The following RAD51B variants were observed in gnomAD, a reference collection of about 807,000 sequenced individuals.
RAD51B encodes RAD51 paralog B.
RAD51B carries 38 observed loss-of-function variants against 42.2 expected under a neutral mutation model. The observed-to-expected ratio is 0.90, with a 90% CI of 0.70 to 1.18. The LOEUF (loss-of-function observed/expected upper bound fraction) is 1.18. Ranked by LOEUF, RAD51B falls within the 50% of genes most tolerant of loss-of-function variation. RAD51B has a pLI of 0.00. For missense variants in RAD51B, 373 were observed against 400.7 expected (o/e 0.93, Z 0.59); for synonymous variants, 154 against 145.2 (o/e 1.06, Z -0.43).
intron 10 of RAD51B, among the ~76,000 whole-genome samples, chr14:68,546,476 TTGG>T (rs1888239916): frequency 6.6e-6 from 1 of 152,194 alleles, no homozygotes; most frequent in East Asian, 1.9e-4. Context: ...GAGATCAGTC[TTGG>T]ACATGTATGA....
At chr14:67,976,187 G>C (rs184438866) in intron 7 of RAD51B, among the ~76,000 whole-genome samples, 2 of 151,776 alleles carry the variant, frequency 1.3e-5, no homozygotes, top group Non-Finnish European at 2.9e-5. Context: ...CGTGATTATG[G>C]CTCACTGCAG....
chr14:68,350,939 A>G (rs1386522899), intron 8 of RAD51B, among the ~76,000 whole-genome samples: 2 of 152,208 alleles, frequency 1.3e-5, no homozygotes, highest in African/African-American at 2.4e-5. Context: ...CAATAGTGTG[A>G]CTATCCAACA....
At chr14:68,467,748 C>T (rs765127826) in intron 9 of RAD51B, among the ~76,000 whole-genome samples, 7 of 152,208 alleles carry the variant, frequency 4.6e-5, no homozygotes, top group Non-Finnish European at 8.8e-5. Flanking sequence ...CTTTGCCTTT[C>T]GCAAGTTATT....
intron 7 of RAD51B, among the ~76,000 whole-genome samples, chr14:67,966,154 C>T (rs1056239363): frequency 6.6e-6 from 1 of 152,166 alleles, no homozygotes; most frequent in Admixed American, 6.5e-5. Flanking sequence ...CCCTTATCTA[C>T]CTACTACTCC....
chr14:68,331,189 C>T (rs1243841966), intron 8 of RAD51B, among the ~76,000 whole-genome samples: 2 of 151,382 alleles, frequency 1.3e-5, no homozygotes, highest in Non-Finnish European at 2.9e-5. Context: ...GGGTGAAACC[C>T]CGTCTCTACT....
intron 7 of RAD51B, among the ~76,000 whole-genome samples, chr14:68,132,597 G>T (rs1364265634): frequency 6.6e-6 from 1 of 152,196 alleles, no homozygotes; most frequent in Non-Finnish European, 1.5e-5. Flanking sequence ...TATTAGGAAT[G>T]TCTCATGTGA....
chr14:68,009,000 C>G (rs1042800817), intron 7 of RAD51B, among the ~76,000 whole-genome samples: 2 of 151,972 alleles, frequency 1.3e-5, no homozygotes, highest in Non-Finnish European at 2.9e-5. Context: ...AAACCTATCA[C>G]TTTTACCTTT....
intron 8 of RAD51B, among the ~76,000 whole-genome samples, chr14:68,315,642 C>T (rs2082043080): frequency 6.6e-6 from 1 of 152,172 alleles, no homozygotes; most frequent in Admixed American, 6.5e-5. Flanking sequence ...CTGCCTCAGC[C>T]TCCCGAGTAG....
At chr14:68,404,104 A>G (rs1267779986) in intron 8 of RAD51B, among the ~76,000 whole-genome samples, 2 of 152,236 alleles carry the variant, frequency 1.3e-5, no homozygotes, top group Non-Finnish European at 1.5e-5. Flanking sequence ...TGTAGCTTAC[A>G]CAGAGACTTC....
At chr14:68,436,633 T>C (rs1353385346) in intron 9 of RAD51B, among the ~76,000 whole-genome samples, 1 of 152,200 alleles carries the variant, frequency 6.6e-6, no homozygotes, top group Non-Finnish European at 1.5e-5. Flanking sequence ...TTAATGATAT[T>C]GATTATTCTA....
chr14:68,302,063 G>T (rs943562803), intron 8 of RAD51B, among the ~76,000 whole-genome samples: 4 of 152,232 alleles, frequency 2.6e-5, no homozygotes, highest in African/African-American at 4.8e-5. Context: ...AGAAAGGAAA[G>T]AACAGAAGTG....
At chr14:68,036,761 T>A (rs938441946) in intron 7 of RAD51B, among the ~76,000 whole-genome samples, 5 of 152,236 alleles carry the variant, frequency 3.3e-5, no homozygotes, top group African/African-American at 4.8e-5. Context: ...GCCTTTTTTT[T>A]AAACCTGAAA....
intron 8 of RAD51B, among the ~76,000 whole-genome samples, chr14:68,387,563 G>A (rs951901465): frequency 4.6e-5 from 7 of 152,262 alleles, no homozygotes; most frequent in South Asian, 2.1e-4. Flanking sequence ...TTTTCTGTAC[G>A]TCTGTCTCTT....
chr14:68,424,283 ATTC>A (rs1274064957), intron 9 of RAD51B, among the ~76,000 whole-genome samples: 1 of 152,142 alleles, frequency 6.6e-6, no homozygotes, highest in Non-Finnish European at 1.5e-5. Flanking sequence ...TCAGTTGTCT[ATTC>A]TTCTCTGAAA....
At chr14:67,823,471 C>G (rs2040703737) in intron 1 of RAD51B, 71 bp from the exon 2 acceptor site, 1 of 1,286,046 alleles carries the variant, frequency 7.8e-7, no homozygotes, top group Non-Finnish European at 1.1e-6. Flanking sequence ...TTTGGATAGC[C>G]TATTCACTAT....
intron 7 of RAD51B, among the ~76,000 whole-genome samples, chr14:68,142,606 A>T (rs1481987275): frequency 1.3e-5 from 2 of 152,206 alleles, no homozygotes; most frequent in Admixed American, 1.3e-4. Context: ...TTGTAAATCA[A>T]CATGACAGGA....
intron 7 of RAD51B, among the ~76,000 whole-genome samples, chr14:67,973,009 C>T (rs1024106500): frequency 3.3e-5 from 5 of 152,128 alleles, no homozygotes; most frequent in African/African-American, 7.2e-5. Flanking sequence ...TCTAAACATT[C>T]GTCTAGGGGC....
At chr14:67,966,964 A>T (rs1036739124) in intron 7 of RAD51B, among the ~76,000 whole-genome samples, 1 of 152,214 alleles carries the variant, frequency 6.6e-6, no homozygotes, top group Non-Finnish European at 1.5e-5. Flanking sequence ...GTTTGTTTTC[A>T]TGCAGCTGAT....
chr14:68,262,293 A>C (rs1455063003), intron 7 of RAD51B, among the ~76,000 whole-genome samples: 1 of 152,140 alleles, frequency 6.6e-6, no homozygotes, highest in Non-Finnish European at 1.5e-5. Context: ...CAGTATCATT[A>C]AATGGCTGAG....
Sources: gnomAD v4.1 joint callset for allele counts (sites outside exome capture counted in the v4.1 genomes callset) on GRCh38, gnomAD v4.1.1 for gene constraint, MANE v1.5 for transcripts, NCBI Gene and HGNC (gene_info 2026-07-23, HGNC 2026-07-21) for gene names.